The following ZDHHC15 variants were observed in gnomAD, a reference collection of about 807,000 sequenced individuals.
ZDHHC15 encodes palmitoyltransferase ZDHHC15.
A neutral mutation model predicts 31.7 loss-of-function variants in ZDHHC15; 19 were observed. That is an observed-to-expected ratio of 0.60 (90% CI 0.42 to 0.88). The LOEUF (loss-of-function observed/expected upper bound fraction) is 0.88. ZDHHC15 is among the 40% of genes least tolerant of loss of function. The pLI, the probability that ZDHHC15 is intolerant of heterozygous loss-of-function variation, is 0.00. For missense variants in ZDHHC15, 209 were observed against 251.2 expected, an observed-to-expected ratio of 0.83 and a Z score of 1.14; for synonymous variants, 103 against 90.0, an observed-to-expected ratio of 1.14 and a Z score of -0.82.
chrX:75,445,509 C>G (rs1322568965), intron 4 of ZDHHC15, among the ~76,000 whole-genome samples: 1 of 111,713 alleles, frequency 9.0e-6, no homozygotes, highest in Non-Finnish European at 1.9e-5. Context: ...GAACAAAGTG[C>G]TAAAAGAAAC....
At chrX:75,453,698 T>C (rs1383142846) in intron 3 of ZDHHC15, among the ~76,000 whole-genome samples, 1 of 111,178 alleles carries the variant, frequency 9.0e-6, no homozygotes, top group Non-Finnish European at 1.9e-5. Context: ...CAAGATCAAA[T>C]TGGCTTCATT....
chrX:75,488,856 G>A (rs1366009419), intron 2 of ZDHHC15, among the ~76,000 whole-genome samples: 2 of 112,143 alleles, frequency 1.8e-5, no homozygotes, highest in Non-Finnish European at 3.8e-5. Flanking sequence ...CCAAAGAAAG[G>A]GGTGACTGAT....
At chrX:75,514,947 C>T in intron 1 of ZDHHC15, among the ~76,000 whole-genome samples, 1 of 112,239 alleles carries the variant, frequency 8.9e-6, no homozygotes, top group South Asian at 3.7e-4. Flanking sequence ...CTATAAACAT[C>T]TCTATGCAAA....
intron 10 of ZDHHC15, among the ~76,000 whole-genome samples, chrX:75,406,212 A>G (rs1344941715): frequency 9.0e-6 from 1 of 111,627 alleles, no homozygotes; most frequent in Non-Finnish European, 1.9e-5. Flanking sequence ...CAGTACTAAA[A>G]GGGAAGTTTA....
chrX:75,516,317 G>A lies in ZDHHC15; in HGVS notation c.136+6572C>T, dbSNP rs188177861. Among the ~76,000 whole-genome samples, 852 of 111,988 alleles carry A rather than the reference G, an allele frequency of 7.6e-3. 10 individuals are homozygous for A. Among genetic ancestry groups the A allele is most frequent in the African/African-American group, 0.027 (823 of 30,885 alleles). ...AAAAGAACAAAGCTGGAGGCATCATGCTACCTGACTTCAAACTATACTACA... is the reference window on the plus strand; with the variant it reads ...AAAAGAACAAAGCTGGAGGCATCATACTACCTGACTTCAAACTATACTACA... On this transcript the variant is annotated intron_variant, in intron 1 of 11. Transcript: ENST00000373367.
At chrX:75,472,451 A>G (rs749890560) in intron 3 of ZDHHC15, among the ~76,000 whole-genome samples, 1 of 112,056 alleles carries the variant, frequency 8.9e-6, no homozygotes, top group African/African-American at 3.2e-5. Flanking sequence ...TTATATACTG[A>G]TTCATGGGCT....
At chrX:75,510,346 T>C (rs1258213815) in intron 1 of ZDHHC15, among the ~76,000 whole-genome samples, 3 of 110,740 alleles carry the variant, frequency 2.7e-5, no homozygotes, top group African/African-American at 9.8e-5. Flanking sequence ...TCAGGTGTGA[T>C]GATACATTTA....
intron 2 of ZDHHC15, among the ~76,000 whole-genome samples, chrX:75,501,119 C>T (rs1352606942): frequency 6.3e-5 from 7 of 110,532 alleles, no homozygotes; most frequent in Non-Finnish European, 1.3e-4. Context: ...CTGCCTCCTC[C>T]CACTTTCCAT....
intron 10 of ZDHHC15, among the ~76,000 whole-genome samples, chrX:75,388,143 A>C (rs2083199697): frequency 8.9e-6 from 1 of 112,350 alleles, no homozygotes; most frequent in Non-Finnish European, 1.9e-5. Flanking sequence ...GGATAAACAA[A>C]AGCTGAGAGA....
chrX:75,508,925 T>G (rs2148054576), intron 1 of ZDHHC15, among the ~76,000 whole-genome samples: 1 of 111,640 alleles, frequency 9.0e-6, no homozygotes, highest in South Asian at 3.7e-4. Context: ...TCATGTGTCT[T>G]TTGGCTGCAT....
chrX:75,420,252 G>A (rs1440609685), intron 9 of ZDHHC15, among the ~76,000 whole-genome samples: 1 of 111,250 alleles, frequency 9.0e-6, no homozygotes, highest in African/African-American at 3.3e-5. Context: ...AAACCACAAT[G>A]AGACACCATC....
At position 75,450,991 on chromosome X, in the gene ZDHHC15, A is replaced by G. The variant is rs1195256811; in HGVS notation, c.259-69T>C. On this transcript the variant is annotated intron_variant, in intron 3 of 11. Transcript: ENST00000373367. ...ATAGAAAAGATTAAAACCAACAACAATAACTACTTTAATGAAATTATTTGT... is the reference window on the plus strand; with the variant it reads ...ATAGAAAAGATTAAAACCAACAACAGTAACTACTTTAATGAAATTATTTGT... 18 of 1,109,407 alleles carry G rather than the reference A, an allele frequency of 1.6e-5. No individual in the cohort carries two copies. The East Asian group carries it at 3.8e-4, about 24-fold the overall frequency. The allele number at this position is 1,109,407 out of a possible 1,213,427, so 91.4% of individuals were successfully genotyped here.
At chrX:75,452,131 G>A (rs1016041197) in intron 3 of ZDHHC15, among the ~76,000 whole-genome samples, 2 of 107,604 alleles carry the variant, frequency 1.9e-5, no homozygotes, top group East Asian at 5.9e-4. Context: ...GTATTCAGGA[G>A]ACCCATCTCA....
chrX:75,503,923 T>G (rs1448450995), intron 2 of ZDHHC15, among the ~76,000 whole-genome samples: 1 of 111,176 alleles, frequency 9.0e-6, no homozygotes, highest in Non-Finnish European at 1.9e-5. Flanking sequence ...CAATCCATAG[T>G]GTTACTTGGC....
chrX:75,516,066 T>C (rs1372607747), intron 1 of ZDHHC15, among the ~76,000 whole-genome samples: 6 of 111,610 alleles, frequency 5.4e-5, no homozygotes, highest in Non-Finnish European at 7.5e-5. Context: ...TACAAACCAC[T>C]GCTCAATTAA....
At chrX:75,496,807 T>C (rs1468766541) in intron 2 of ZDHHC15, among the ~76,000 whole-genome samples, 2 of 111,272 alleles carry the variant, frequency 1.8e-5, no homozygotes, top group Non-Finnish European at 3.8e-5. Flanking sequence ...ATAATAATAG[T>C]GACACAACCT....
intron 3 of ZDHHC15, among the ~76,000 whole-genome samples, chrX:75,453,003 A>G (rs1411426546): frequency 8.9e-6 from 1 of 111,876 alleles, no homozygotes; most frequent in Non-Finnish European, 1.9e-5. Context: ...CAAATTCAAA[A>G]GCTAGCGGAA....
intron 11 of ZDHHC15, among the ~76,000 whole-genome samples, chrX:75,374,478 G>T (rs2083036340): frequency 9.1e-6 from 1 of 109,334 alleles, no homozygotes; most frequent in African/African-American, 3.3e-5. Context: ...ATAGAAAAAT[G>T]GTTCATTAAA....
intron 2 of ZDHHC15, chrX:75,502,082 C>T (rs1384244959): frequency 4.5e-5 from 5 of 112,056 alleles, no homozygotes; most frequent in Non-Finnish European, 9.4e-5. Flanking sequence ...TAAAGTAACA[C>T]AGACTGGGTC....
Sources: gnomAD v4.1 joint callset for allele counts (sites outside exome capture counted in the v4.1 genomes callset) on GRCh38, gnomAD v4.1.1 for gene constraint, MANE v1.5 for transcripts, NCBI Gene and HGNC (gene_info 2026-07-23, HGNC 2026-07-21) for gene names.